Variants in AOPEP observed in about 807,000 individuals in gnomAD.
AOPEP encodes the protein aminopeptidase O (putative), also known as aminopeptidase O.
A neutral mutation model predicts 98.1 loss-of-function variants in AOPEP; 77 were observed. The ratio of observed to expected loss-of-function variants is 0.78; its 90% CI spans 0.65 to 0.95. The LOEUF is 0.95. AOPEP is among the 40% of genes least tolerant of loss of function. The pLI is 0.00. For missense variants in AOPEP, 1,024 were observed against 1,024.7 expected, an observed-to-expected ratio of 1.00 and a Z score of 0.01; for synonymous variants, 346 against 365.3, an observed-to-expected ratio of 0.95 and a Z score of 0.60.
At chr9:94,993,551 T>C (rs1208501116) in intron 11 of AOPEP, among the ~76,000 whole-genome samples, 1 of 152,214 alleles carries the variant, frequency 6.6e-6, no homozygotes, top group African/African-American at 2.4e-5. Flanking sequence ...TATTTGGGGT[T>C]GAAATGATCA....
intron 5 of AOPEP, among the ~76,000 whole-genome samples, chr9:94,818,863 G>A (rs1230872418): frequency 1.3e-5 from 2 of 152,056 alleles, no homozygotes; most frequent in African/African-American, 2.4e-5. Flanking sequence ...GCATGGTGGC[G>A]GGCACCTGTA....
intron 16 of AOPEP, among the ~76,000 whole-genome samples, chr9:95,083,585 GCACACACAGCA>G (rs1157255677): frequency 6.7e-6 from 1 of 148,208 alleles, no homozygotes; most frequent in Non-Finnish European, 1.5e-5. Flanking sequence ...ACAACACAGA[GCACACACAGCA>G]CATGCACCAC....
intron 14 of AOPEP, among the ~76,000 whole-genome samples, chr9:95,079,827 G>A (rs1257495597): frequency 6.6e-6 from 1 of 152,208 alleles, no homozygotes; most frequent in Non-Finnish European, 1.5e-5. Flanking sequence ...TTTCAATGTT[G>A]TGCAAACCTA....
At chr9:95,031,853 G>A (rs1331749904) in intron 13 of AOPEP, among the ~76,000 whole-genome samples, 1 of 152,190 alleles carries the variant, frequency 6.6e-6, no homozygotes, top group African/African-American at 2.4e-5. Context: ...ATAACTGGAG[G>A]ATTATCCTGT....
the AOPEP span, chr9:95,100,038 C>A: frequency 4.3e-6 from 1 of 232,304 alleles, no homozygotes; most frequent in East Asian, 6.1e-5. Context: ...ACCATGTCCA[C>A]AGAGGAGTCA....
At chr9:95,059,278 G>A (rs1025406075) in intron 13 of AOPEP, among the ~76,000 whole-genome samples, 2 of 152,230 alleles carry the variant, frequency 1.3e-5, no homozygotes, top group African/African-American at 4.8e-5. Context: ...AATAGCCACA[G>A]CATGTCTTTC....
intron 5 of AOPEP, among the ~76,000 whole-genome samples, chr9:94,804,880 CT>C (rs2133838028): frequency 1.3e-5 from 2 of 152,226 alleles, no homozygotes; most frequent in East Asian, 3.9e-4. Context: ...GAAAAGCTTC[CT>C]TAAAGGGTGA....
intron 1 of AOPEP, among the ~76,000 whole-genome samples, chr9:94,745,081 T>C (rs780306718): frequency 2.0e-5 from 3 of 152,108 alleles, no homozygotes; most frequent in Non-Finnish European, 4.4e-5. Flanking sequence ...TTACGAATAT[T>C]CCAATCATAC....
At chr9:95,113,292 T>C in the AOPEP span, among the ~76,000 whole-genome samples, 1 of 152,158 alleles carries the variant, frequency 6.6e-6, no homozygotes, top group Non-Finnish European at 1.5e-5. Context: ...CTGTGTCAAC[T>C]CGGTGTGAGA....
chr9:95,114,540 C>A, the AOPEP span: 1 of 1,173,220 alleles, frequency 8.5e-7, no homozygotes. Context: ...CCAGTAATGC[C>A]TTCCTCTGTC....
chr9:94,956,111 G>A lies in AOPEP; in HGVS notation c.1872+96G>A, dbSNP rs186206253. 445 of 730,608 alleles carry A rather than the reference G, an allele frequency of 6.1e-4. 3 individuals carry two copies. In the Middle Eastern group the frequency reaches 0.01, roughly 17 times the overall value. 45.3% of individuals were successfully genotyped at this position (730,608 alleles called of 1,614,324 possible). ...GCCAGTATTAAAGAGTAGGGAAAAG[G>A]TTTCCCATTTAATGCAGTGGGAAAA... On this transcript the variant is annotated intron_variant, in intron 9 of 16. Coordinates refer to ENST00000375315, the MANE Select transcript of AOPEP (RefSeq NM_001193329.3).
At chr9:95,112,639 A>G in the AOPEP span, among the ~76,000 whole-genome samples, 3 of 152,306 alleles carry the variant, frequency 2.0e-5, no homozygotes, top group Middle Eastern at 3.4e-3. Flanking sequence ...TGCAGGCACC[A>G]TGTCAGGGTA....
At chr9:94,761,707 C>G (rs547493377) in intron 2 of AOPEP, among the ~76,000 whole-genome samples, 1 of 152,306 alleles carries the variant, frequency 6.6e-6, no homozygotes, top group Admixed American at 6.5e-5. Context: ...AATGAGTTCA[C>G]TTCCTGTCTT....
At chr9:94,848,855 C>T (rs1232219168) in intron 5 of AOPEP, among the ~76,000 whole-genome samples, 1 of 152,118 alleles carries the variant, frequency 6.6e-6, no homozygotes, top group Non-Finnish European at 1.5e-5. Flanking sequence ...AATGGCACTG[C>T]AGCCTCCACT....
At chr9:94,900,354 G>C (rs998017229) in intron 5 of AOPEP, 8 of 152,384 alleles carry the variant, frequency 5.2e-5, no homozygotes, top group African/African-American at 1.9e-4. Context: ...CTATTCTTCA[G>C]GTCACAGTTT....
At chr9:95,026,510 C>T (rs190070023) in intron 13 of AOPEP, among the ~76,000 whole-genome samples, 83 of 152,306 alleles carry the variant, frequency 5.4e-4, no homozygotes, top group African/African-American at 1.9e-3. Flanking sequence ...GCATGCATGT[C>T]GCAGTGTGTA....
At chr9:94,908,892 A>G (rs2051579437) in intron 5 of AOPEP, among the ~76,000 whole-genome samples, 1 of 152,240 alleles carries the variant, frequency 6.6e-6, no homozygotes, top group Admixed American at 6.5e-5. Context: ...AGACATGTTC[A>G]TCTTATTCCA....
At chr9:95,005,499 A>G (rs770609634) in intron 12 of AOPEP, 43 bp from the exon 13 acceptor site, 1 of 1,563,070 alleles carries the variant, frequency 6.4e-7, no homozygotes, top group Admixed American at 1.7e-5. Context: ...GGCCGTCAGG[A>G]CCCTGTCGCC....
intron 5 of AOPEP, among the ~76,000 whole-genome samples, chr9:94,843,648 G>C (rs1443646541): frequency 2.0e-5 from 3 of 152,194 alleles, no homozygotes; most frequent in Non-Finnish European, 4.4e-5. Context: ...TTGAAACCAA[G>C]TTTTTAGTGG....
Sources: gnomAD v4.1 joint callset for allele counts (sites outside exome capture counted in the v4.1 genomes callset) on GRCh38, gnomAD v4.1.1 for gene constraint, MANE v1.5 for transcripts, NCBI Gene and HGNC (gene_info 2026-07-23, HGNC 2026-07-21) for gene names.